The following TICAM2 variants were observed in gnomAD, a reference collection of about 807,000 sequenced individuals.
TICAM2 encodes the protein TIR domain containing adaptor molecule 2.
In TICAM2, 8 loss-of-function variants were observed where a neutral mutation model predicts 7.3. The observed-to-expected ratio is 1.10, with a 90% confidence interval of 0.65 to 1.99. The LOEUF (loss-of-function observed/expected upper bound fraction) is 1.99, where lower values mean the gene tolerates loss of function less well. Ranked by LOEUF, TICAM2 falls within the 30% of genes most tolerant of loss-of-function variation. TICAM2 has a pLI of 0.00. For missense variants in TICAM2, 304 were observed against 278.8 expected, an observed-to-expected ratio of 1.09 and a Z score of -0.65; for synonymous variants, 113 against 99.6, an observed-to-expected ratio of 1.13 and a Z score of -0.80.
chr5:115,587,809 A>C lies in TICAM2; in HGVS notation c.-59-6494T>G, dbSNP rs75072553. On this transcript the variant is annotated intron_variant, in intron 1 of 1. Coordinates refer to ENST00000427199, the MANE Select transcript of TICAM2 (RefSeq NM_021649.7). ...GGTCTGGGGCATAAAAGAGCATCTTAGATTGGGGATACAAGTTAGTTGCTT... is the reference window on the plus strand; with the variant it reads ...GGTCTGGGGCATAAAAGAGCATCTTCGATTGGGGATACAAGTTAGTTGCTT... 3.0e-4 allele frequency among the ~76,000 whole-genome samples: 45 copies of C among 152,278 alleles called. 1 individual carries two copies. In the East Asian group the frequency reaches 8.7e-3, roughly 29 times the overall value.
At chr5:115,582,406 C>G (rs1397882969) in intron 1 of TICAM2, among the ~76,000 whole-genome samples, 2 of 148,794 alleles carry the variant, frequency 1.3e-5, no homozygotes, top group Non-Finnish European at 3.0e-5. Context: ...CTCCTGGGCT[C>G]AAGCAATCCT....
rs564962634 is a variant in TICAM2 at position 115,596,662 on chromosome 5, G to A, written c.-60+5435C>T. Among the ~76,000 whole-genome samples the A allele has an allele frequency of 6.6e-5, 10 of 152,314 alleles. No individual in the cohort carries two copies. The South Asian group carries it at 1.2e-3, about 19-fold the overall frequency. On this transcript the variant is annotated intron_variant, in intron 1 of 1. Coordinates refer to ENST00000427199, the MANE Select transcript of TICAM2 (RefSeq NM_021649.7). The stretch of plus-strand genomic sequence containing the variant: ...TGGCTGGGCGCGGTGGCTCACGCCT[G>A]TAATCCCAGCACTTTGGGAGGCCAA...
Position 115,580,494 on chromosome 5 carries a change from A to G in TICAM2, c.*55T>C. 2 of 1,487,852 alleles carry G rather than the reference A, an allele frequency of 1.3e-6. No homozygotes were observed. The highest frequency in any genetic ancestry group is 1.8e-6 in the Non-Finnish European group (2 of 1,120,638). The allele number at this position is 1,487,852 out of a possible 1,614,324, so 92.2% of individuals were successfully genotyped here. On this transcript the variant is annotated 3_prime_UTR_variant, in exon 2 of 2. Transcript: ENST00000427199. ...TCCTAGAAACTGCTTTCTCAAGTGA[A>G]GATTAATCATTTGGTTTACAAAACA...
chr5:115,589,825 C>T (rs2127198830), intron 1 of TICAM2, among the ~76,000 whole-genome samples: 1 of 152,320 alleles, frequency 6.6e-6, no homozygotes, highest in Middle Eastern at 3.4e-3. Context: ...ACTATATCCC[C>T]AGAGCCTAGC....
At chr5:115,594,932 T>C (rs997941067) in intron 1 of TICAM2, among the ~76,000 whole-genome samples, 1 of 152,140 alleles carries the variant, frequency 6.6e-6, no homozygotes, top group Non-Finnish European at 1.5e-5. Flanking sequence ...TCTGAGATGA[T>C]GGATACAGAC....
At chr5:115,584,819 T>C (rs894956387) in intron 1 of TICAM2, among the ~76,000 whole-genome samples, 2 of 152,022 alleles carry the variant, frequency 1.3e-5, no homozygotes, top group African/African-American at 2.4e-5. Context: ...AGGCCTGAGA[T>C]AAGAAGGAAG....
At chr5:115,588,559 G>A (rs1205370239) in intron 1 of TICAM2, among the ~76,000 whole-genome samples, 2 of 152,204 alleles carry the variant, frequency 1.3e-5, no homozygotes, top group Non-Finnish European at 2.9e-5. Context: ...CCAAAGTGGT[G>A]TTCTGTAGAT....
At position 115,578,639 on chromosome 5, in the gene TICAM2, T is replaced by C. The variant is rs1410671888; in HGVS notation, c.*1910A>G. On this transcript the variant is annotated 3_prime_UTR_variant, in exon 2 of 2. Transcript: ENST00000427199. ...CATTGGAGTTGAAAATAAACAAGTT[T>C]AGTCAAGAGTAAAGAATAAAAACAT... is the stretch of plus-strand genomic sequence containing the variant. 1.3e-5 allele frequency: 2 copies of C among 152,190 alleles called. No individual in the cohort carries two copies. Among genetic ancestry groups the C allele is most frequent in the Non-Finnish European group, 2.9e-5 (2 of 68,034 alleles). 9.4% of individuals were successfully genotyped at this position (152,190 alleles called of 1,614,324 possible).
intron 1 of TICAM2, among the ~76,000 whole-genome samples, chr5:115,593,429 G>C (rs1255097321): frequency 6.6e-6 from 1 of 151,732 alleles, no homozygotes; most frequent in East Asian, 1.9e-4. Flanking sequence ...TTTTCCAATA[G>C]ATCAAAAAAT....
Position 115,592,698 on chromosome 5 carries a change from A to G in TICAM2, c.-60+9399T>C, listed in dbSNP as rs1755354284. On this transcript the variant is annotated intron_variant, in intron 1 of 1. Transcript: ENST00000427199. ...AAGAACTGATGCGAATATTACAAAA[A>G]GGAAAATTATAGATCAGTCTAACTC... Among the ~76,000 whole-genome samples the G allele has an allele frequency of 2.0e-5, 3 of 152,342 alleles. No homozygotes were observed. The South Asian group carries it at 6.2e-4, about 32-fold the overall frequency.
chr5:115,587,879 G>A (rs2127196946), intron 1 of TICAM2, among the ~76,000 whole-genome samples: 2 of 152,212 alleles, frequency 1.3e-5, no homozygotes, highest in Middle Eastern at 6.8e-3. Context: ...GAAAAGAGAG[G>A]AGAGAGAGAG....
At chr5:115,595,803 T>G (rs1259662008) in intron 1 of TICAM2, among the ~76,000 whole-genome samples, 1 of 152,228 alleles carries the variant, frequency 6.6e-6, no homozygotes, top group Non-Finnish European at 1.5e-5. Flanking sequence ...CATCTTAGAA[T>G]GTACCCTTGC....
intron 1 of TICAM2, among the ~76,000 whole-genome samples, chr5:115,584,031 T>C (rs2127193186): frequency 6.6e-6 from 1 of 152,314 alleles, no homozygotes; most frequent in East Asian, 1.9e-4. Flanking sequence ...TTTACTTTTT[T>C]TAAAAAAAGG....
chr5:115,597,379 C>T (rs1294195238), intron 1 of TICAM2, among the ~76,000 whole-genome samples: 1 of 152,026 alleles, frequency 6.6e-6, no homozygotes, highest in Admixed American at 6.5e-5. Flanking sequence ...AGATCTTGTA[C>T]AATCATAAGC....
At chr5:115,594,986 T>C (rs1755454115) in intron 1 of TICAM2, among the ~76,000 whole-genome samples, 1 of 152,126 alleles carries the variant, frequency 6.6e-6, no homozygotes, top group African/African-American at 2.4e-5. Flanking sequence ...CTCCCTTCTC[T>C]AGGTTTGTAG....
At chr5:115,581,358 A>G in intron 1 of TICAM2, 43 bp from the exon 2 acceptor site, 1 of 1,519,192 alleles carries the variant, frequency 6.6e-7, no homozygotes, top group Non-Finnish European at 8.8e-7. Flanking sequence ...AAATTTAATC[A>G]AAACATTAAA....
intron 1 of TICAM2, among the ~76,000 whole-genome samples, chr5:115,584,114 T>C (rs1458691324): frequency 6.6e-6 from 1 of 152,246 alleles, no homozygotes; most frequent in Non-Finnish European, 1.5e-5. Context: ...TATCAGTTTC[T>C]CCTGCATCTT....
At chr5:115,582,139 TATTTATTTATTC>T (rs956235239) in intron 1 of TICAM2, among the ~76,000 whole-genome samples, 1 of 152,022 alleles carries the variant, frequency 6.6e-6, no homozygotes, top group Non-Finnish European at 1.5e-5. Flanking sequence ...TTTTTGTTGT[TATTTATTTATTC>T]ATTTATTTAT....
chr5:115,596,422 C>A (rs966510348), intron 1 of TICAM2, among the ~76,000 whole-genome samples: 8 of 152,198 alleles, frequency 5.3e-5, no homozygotes, highest in Non-Finnish European at 8.8e-5. Flanking sequence ...GCTCCTTCAG[C>A]TTCAACCTCA....
Sources: gnomAD v4.1 joint callset for allele counts (sites outside exome capture counted in the v4.1 genomes callset) on GRCh38, gnomAD v4.1.1 for gene constraint, MANE v1.5 for transcripts, NCBI Gene and HGNC (gene_info 2026-07-23, HGNC 2026-07-21) for gene names.